Variants in TLK2 observed in about 807,000 individuals in gnomAD.
The protein encoded by TLK2 is tousled like kinase 2, also known as serine/threonine-protein kinase tousled-like 2.
TLK2 carries 6 observed loss-of-function variants against 117.3 expected under a neutral mutation model. The observed-to-expected ratio is 0.05, with a 90% CI of 0.03 to 0.10. The LOEUF (loss-of-function observed/expected upper bound fraction) is 0.10. Among genes scored for constraint, TLK2 ranks in the 10% least tolerant of loss-of-function variants. TLK2 has a pLI of 1.00. For missense variants in TLK2, 299 were observed against 901.2 expected (o/e 0.33, Z 8.56); for synonymous variants, 257 against 316.7 (o/e 0.81, Z 2.00).
At chr17:62,505,059 C>G (rs1453643742) in intron 2 of TLK2, among the ~76,000 whole-genome samples, 6 of 151,844 alleles carry the variant, frequency 4.0e-5, no homozygotes, top group Non-Finnish European at 7.4e-5. Flanking sequence ...GCCCAGGTCT[C>G]GAGTTCCTGA....
At chr17:62,516,495 A>C (rs2075602631) in intron 2 of TLK2, 2 of 1,606,862 alleles carry the variant, frequency 1.2e-6, no homozygotes, top group Non-Finnish European at 1.7e-6. Context: ...GTAGGGTGGC[A>C]GGCACAATCT....
At position 62,567,554 on chromosome 17, in the gene TLK2, A is replaced by T. The variant is rs182149624; in HGVS notation, c.968+2417A>T. ...TTAATTATAGGTATTTTAGTTCCTG[A>T]AATTTTGCTTTAATAAATTAATTTC... is the stretch of plus-strand genomic sequence containing the variant. On this transcript the variant is annotated intron_variant, in intron 11 of 21. Coordinates refer to ENST00000346027, the MANE Select transcript of TLK2 (RefSeq NM_006852.6). 4.9e-3 allele frequency among the ~76,000 whole-genome samples: 747 copies of T among 152,320 alleles called. 3 individuals are homozygous for T. Among genetic ancestry groups the T allele is most frequent in the Admixed American group, 7.7e-3 (118 of 15,294 alleles).
rs533862754 is a variant in TLK2 at position 62,481,769 on chromosome 17, C to T, written c.81+563C>T. Among the ~76,000 whole-genome samples the T allele has an allele frequency of 1.7e-3, 257 of 152,186 alleles. 1 individual carries two copies. The highest frequency in any genetic ancestry group is 2.4e-3 in the Admixed American group (37 of 15,260). ...ATGAAGTTAAGCAATGTTATAGTTTCCTATGCATGTTTATGTACCCACTGG... is the reference window on the plus strand; with the variant it reads ...ATGAAGTTAAGCAATGTTATAGTTTTCTATGCATGTTTATGTACCCACTGG... On this transcript the variant is annotated intron_variant, in intron 2 of 21. Transcript: ENST00000346027.
chr17:62,570,663 G>A (rs2080214911), intron 11 of TLK2, among the ~76,000 whole-genome samples: 1 of 152,100 alleles, frequency 6.6e-6, no homozygotes, highest in African/African-American at 2.4e-5. Flanking sequence ...GATCTTTGGT[G>A]CATCAGCTTT....
intron 2 of TLK2, among the ~76,000 whole-genome samples, chr17:62,518,623 T>C (rs1335574549): frequency 6.6e-6 from 1 of 152,142 alleles, no homozygotes; most frequent in Non-Finnish European, 1.5e-5. Context: ...GAAGAATTGC[T>C]TGAATCTGGG....
At chr17:62,487,851 G>A (rs1220419790) in intron 2 of TLK2, among the ~76,000 whole-genome samples, 2 of 151,872 alleles carry the variant, frequency 1.3e-5, no homozygotes, top group African/African-American at 2.4e-5. Context: ...TTGAACTTCC[G>A]ACCTCAAGTG....
chr17:62,495,873 A>G (rs2073626126), intron 2 of TLK2, among the ~76,000 whole-genome samples: 1 of 151,208 alleles, frequency 6.6e-6, no homozygotes, highest in African/African-American at 2.4e-5. Context: ...CATGTTGCCC[A>G]GGCTTTGGTC....
At position 62,510,933 on chromosome 17, in the gene TLK2, G is replaced by A. The variant is rs564632212; in HGVS notation, c.82-9840G>A. Among the ~76,000 whole-genome samples, 10 of 152,228 alleles carry A rather than the reference G, an allele frequency of 6.6e-5. No individual in the cohort carries two copies. In the South Asian group the frequency reaches 1.9e-3, roughly 28 times the overall value. On this transcript the variant is annotated intron_variant, in intron 2 of 21. Coordinates refer to ENST00000346027, the MANE Select transcript of TLK2 (RefSeq NM_006852.6). The stretch of plus-strand genomic sequence containing the variant: ...CATTATTATTACTTTACAATAATAA[G>A]TAATACATAAAACCCCAAAAACTTT...
intron 1 of TLK2, among the ~76,000 whole-genome samples, chr17:62,472,712 T>C (rs2070964537): frequency 1.4e-5 from 2 of 144,986 alleles, no homozygotes; most frequent in African/African-American, 5.2e-5. Flanking sequence ...CACTCCAGCC[T>C]AGGCGACGGA....
intron 19 of TLK2, 47 bp from the exon 20 acceptor site, chr17:62,606,083 C>G (rs771044105): frequency 5.8e-5 from 45 of 772,196 alleles, no homozygotes; most frequent in Non-Finnish European, 8.8e-5. Flanking sequence ...ATGTCTTAAA[C>G]TTATATGATC....
intron 2 of TLK2, among the ~76,000 whole-genome samples, chr17:62,502,562 G>C (rs2074294157): frequency 6.6e-6 from 1 of 152,046 alleles, no homozygotes; most frequent in South Asian, 2.1e-4. Flanking sequence ...CAAGTAAAAG[G>C]AATAATCTTA....
chr17:62,606,246 G>A lies in TLK2; in HGVS notation c.1971+5G>A. The A allele has an allele frequency of 1.3e-6, 2 of 1,561,736 alleles. No homozygotes were observed. Among genetic ancestry groups the A allele is most frequent in the Non-Finnish European group, 1.7e-6 (2 of 1,143,324 alleles). ...CAGTGTCTTTATGGAAGGAAGGTAA[G>A]TTAGAAGGTTGATGGAGAAGCTTGA... On this transcript the variant is annotated splice_donor_5th_base_variant and intron_variant, in intron 20 of 21. Coordinates refer to ENST00000346027, the MANE Select transcript of TLK2 (RefSeq NM_006852.6).
At chr17:62,593,038 A>G (rs1204734072) in intron 16 of TLK2, among the ~76,000 whole-genome samples, 2 of 152,200 alleles carry the variant, frequency 1.3e-5, no homozygotes, top group Non-Finnish European at 2.9e-5. Flanking sequence ...CTGTAAACAC[A>G]GATGAAGCTT....
At chr17:62,608,357 A>G (rs2083465803) in intron 21 of TLK2, among the ~76,000 whole-genome samples, 1 of 152,160 alleles carries the variant, frequency 6.6e-6, no homozygotes, top group Non-Finnish European at 1.5e-5. Flanking sequence ...AGTAGAAGGA[A>G]TGTTGATAGG....
At chr17:62,475,591 C>T (rs547374459), upstream of TLK2, among the ~76,000 whole-genome samples, 15 of 152,132 alleles carry the variant, frequency 9.9e-5, no homozygotes, top group African/African-American at 2.9e-4. Context: ...GTGATCCACC[C>T]GCCTTGGCCT....
chr17:62,508,618 T>G (rs2074905810), intron 2 of TLK2: 2 of 920,142 alleles, frequency 2.2e-6, no homozygotes, highest in Non-Finnish European at 2.6e-6. Flanking sequence ...AAAGTCTCAA[T>G]GAATAAATAA....
chr17:62,488,287 A>G (rs1288992690), intron 2 of TLK2, among the ~76,000 whole-genome samples: 6 of 152,194 alleles, frequency 3.9e-5, no homozygotes, highest in Non-Finnish European at 7.3e-5. Context: ...ACATCACATT[A>G]TATAATCAAA....
intron 7 of TLK2, among the ~76,000 whole-genome samples, chr17:62,544,518 G>A (rs922575110): frequency 3.3e-5 from 5 of 152,084 alleles, no homozygotes; most frequent in Non-Finnish European, 7.4e-5. Flanking sequence ...TGACATATGA[G>A]GAGTACAATT....
At chr17:62,537,360 C>A (rs2077187022) in intron 7 of TLK2, among the ~76,000 whole-genome samples, 1 of 152,194 alleles carries the variant, frequency 6.6e-6, no homozygotes, top group Non-Finnish European at 1.5e-5. Context: ...GAAAGAGATA[C>A]AACGCTCCTT....
Sources: allele counts gnomAD v4.1 joint callset (sites outside exome capture counted in the v4.1 genomes callset), GRCh38; gene constraint gnomAD v4.1.1; transcripts MANE v1.5; gene names NCBI Gene and HGNC (gene_info 2026-07-23, HGNC 2026-07-21).